BNC2: variants seen among roughly 807,000 people sequenced by gnomAD.
BNC2 encodes basonuclin zinc finger protein 2, also known as zinc finger protein basonuclin-2.
Under a neutral mutation model 76.3 loss-of-function variants are expected in BNC2, and 20 were observed. The observed-to-expected ratio is 0.26, with a 90% CI of 0.18 to 0.38. The LOEUF (loss-of-function observed/expected upper bound fraction) is 0.38, where lower values mean the gene tolerates loss of function less well. Among genes scored for constraint, BNC2 ranks in the 10% least tolerant of loss-of-function variants. The pLI is 1.00. For synonymous variants in BNC2, 582 were observed against 514.8 expected, an observed-to-expected ratio of 1.13 and a Z score of -1.77; for missense variants, 1,382 against 1,399.8, an observed-to-expected ratio of 0.99 and a Z score of 0.20.
At chr9:16,832,901 T>C (rs952717602) in intron 1 of BNC2, among the ~76,000 whole-genome samples, 6 of 151,996 alleles carry the variant, frequency 3.9e-5, no homozygotes, top group African/African-American at 1.4e-4. Flanking sequence ...AATTTTTCTA[T>C]TTTTAGTAGA....
chr9:16,498,425 C>T (rs1225584669), intron 5 of BNC2, among the ~76,000 whole-genome samples: 1 of 150,668 alleles, frequency 6.6e-6, no homozygotes, highest in Non-Finnish European at 1.5e-5. Context: ...AATGGAAAAC[C>T]AAACACCGTA....
chr9:16,774,385 T>C (rs549147430), intron 1 of BNC2, among the ~76,000 whole-genome samples: 1 of 152,302 alleles, frequency 6.6e-6, no homozygotes, highest in East Asian at 1.9e-4. Flanking sequence ...ACCAAATGCA[T>C]CCAATGACAG....
intron 3 of BNC2, among the ~76,000 whole-genome samples, chr9:16,649,961 T>G (rs552287582): frequency 6.6e-6 from 1 of 152,268 alleles, no homozygotes; most frequent in Admixed American, 6.5e-5. Flanking sequence ...AGGGGAACAT[T>G]AAATTCTCAC....
At chr9:16,793,776 C>T (rs1817575279) in intron 1 of BNC2, among the ~76,000 whole-genome samples, 1 of 149,732 alleles carries the variant, frequency 6.7e-6, no homozygotes, top group South Asian at 2.1e-4. Context: ...CGCCATTCTC[C>T]TGCCTCAGCC....
chr9:16,828,976 G>A (rs1416604019), intron 1 of BNC2, among the ~76,000 whole-genome samples: 12 of 151,802 alleles, frequency 7.9e-5, no homozygotes, highest in Admixed American at 3.9e-4. Context: ...GGGAGAGGCC[G>A]CATGTGTGAG....
intron 3 of BNC2, among the ~76,000 whole-genome samples, chr9:16,711,276 G>A (rs547044299): frequency 1.3e-5 from 2 of 152,214 alleles, no homozygotes; most frequent in African/African-American, 2.4e-5. Flanking sequence ...AGGTGGGGAA[G>A]GGGGGGCGGT....
intron 1 of BNC2, among the ~76,000 whole-genome samples, chr9:16,750,992 T>G (rs1825175483): frequency 6.6e-6 from 1 of 152,148 alleles, no homozygotes; most frequent in African/African-American, 2.4e-5. Flanking sequence ...AGTTGTGTCT[T>G]TTTTCTCTGG....
At chr9:16,652,119 T>C (rs965854697) in intron 3 of BNC2, among the ~76,000 whole-genome samples, 1 of 152,204 alleles carries the variant, frequency 6.6e-6, no homozygotes, top group African/African-American at 2.4e-5. Context: ...TGTTCAGCTG[T>C]TTCTAACCTC....
In BNC2 at chr9:16,484,659, T is replaced by C. The variant is rs374481030; in HGVS notation, c.670-47135A>G. On this transcript the variant is annotated intron_variant, in intron 5 of 6. Coordinates refer to ENST00000380672, the MANE Select transcript of BNC2 (RefSeq NM_017637.6). ...CCTTTTTCCAACTGTTCCAATGGCA[T>C]GCAACAGCATCATGAAGAAATTTCT... is the stretch of plus-strand genomic sequence containing the variant. Among the ~76,000 whole-genome samples, 11 of 152,352 alleles carry C rather than the reference T, an allele frequency of 7.2e-5. No homozygotes were observed. In the East Asian group the frequency reaches 1.3e-3, roughly 19 times the overall value.
intron 4 of BNC2, among the ~76,000 whole-genome samples, chr9:16,559,359 GC>G (rs1422564861): frequency 2.0e-5 from 3 of 152,068 alleles, no homozygotes; most frequent in Non-Finnish European, 2.9e-5. Context: ...TTCCATTGTG[GC>G]CCAGGGAAGC....
Position 16,411,489 on chromosome 9 carries a change from G to C in BNC2, c.*7500C>G, listed in dbSNP as rs1259221569. 2 of 152,598 alleles carry C rather than the reference G, an allele frequency of 1.3e-5. No homozygotes were observed. The highest frequency in any genetic ancestry group is 4.8e-5 in the African/African-American group (2 of 41,420). 9.5% of individuals were successfully genotyped at this position (152,598 alleles called of 1,614,324 possible). Reference sequence around the variant, plus strand: ...GGTATTTTAGAGTTAAGGGGAGAAAGCTAGTATCAGCGAGCAGAACTTGTG... The same window carrying C: ...GGTATTTTAGAGTTAAGGGGAGAAACCTAGTATCAGCGAGCAGAACTTGTG... On this transcript the variant is annotated 3_prime_UTR_variant, in exon 7 of 7. Transcript: ENST00000380672.
chr9:16,862,998 T>C (rs960043429), intron 1 of BNC2, among the ~76,000 whole-genome samples: 2 of 151,124 alleles, frequency 1.3e-5, no homozygotes, highest in Non-Finnish European at 2.9e-5. Flanking sequence ...CACTGCAACC[T>C]CCGCCTCCCA....
chr9:16,798,414 C>T (rs1157868983), intron 1 of BNC2, among the ~76,000 whole-genome samples: 2 of 152,134 alleles, frequency 1.3e-5, no homozygotes, highest in South Asian at 2.1e-4. Flanking sequence ...AAGATTTTCA[C>T]ATATCCCCAC....
chr9:16,723,268 C>A (rs994512305), intron 3 of BNC2, among the ~76,000 whole-genome samples: 2 of 152,006 alleles, frequency 1.3e-5, no homozygotes, highest in Non-Finnish European at 2.9e-5. Flanking sequence ...CAATGAAAGT[C>A]GTTTTCAAAG....
At chr9:16,857,269 G>A (rs1819282194) in intron 1 of BNC2, among the ~76,000 whole-genome samples, 1 of 152,016 alleles carries the variant, frequency 6.6e-6, no homozygotes, top group East Asian at 1.9e-4. Context: ...CCAGAGGTCA[G>A]GAGTTCGAGA....
At chr9:16,439,985 G>A (rs1210576464) in intron 5 of BNC2, among the ~76,000 whole-genome samples, 5 of 152,142 alleles carry the variant, frequency 3.3e-5, no homozygotes, top group East Asian at 1.9e-4. Context: ...TCCGGCCATC[G>A]CCATTTTCAA....
At chr9:16,443,316 A>C (rs1488499345) in intron 5 of BNC2, among the ~76,000 whole-genome samples, 1 of 152,124 alleles carries the variant, frequency 6.6e-6, no homozygotes, top group Non-Finnish European at 1.5e-5. Context: ...TCATGTCTAG[A>C]TTGGCACAGT....
At chr9:16,862,890 TCTATATATAG>T (rs1208153042) in intron 1 of BNC2, among the ~76,000 whole-genome samples, 1 of 148,720 alleles carries the variant, frequency 6.7e-6, no homozygotes, top group Admixed American at 6.9e-5. Context: ...GGCAGATTCA[TCTATATATAG>T]CTATATATAG....
intron 1 of BNC2, among the ~76,000 whole-genome samples, chr9:16,776,256 T>A (rs1226171816): frequency 1.9e-4 from 29 of 152,138 alleles, no homozygotes; most frequent in Non-Finnish European, 2.9e-5. Flanking sequence ...TTCTCCTCTC[T>A]CAGTCTCCCA....
Sources: gnomAD v4.1 joint callset for allele counts (sites outside exome capture counted in the v4.1 genomes callset) on GRCh38, gnomAD v4.1.1 for gene constraint, MANE v1.5 for transcripts, NCBI Gene and HGNC (gene_info 2026-07-23, HGNC 2026-07-21) for gene names.